Variants in PTAFR observed in about 807,000 individuals in gnomAD.
PTAFR encodes the protein platelet-activating factor receptor.
PTAFR carries 8 observed loss-of-function variants against 14.7 expected under a neutral mutation model. That is an observed-to-expected ratio of 0.54 (90% CI 0.32 to 0.98). PTAFR has a LOEUF of 0.98. Among genes scored for constraint, PTAFR ranks in the 50% least tolerant of loss-of-function variants. The pLI, the probability that PTAFR is intolerant of heterozygous loss-of-function variation, is 0.04. For missense variants in PTAFR, 337 were observed against 451.2 expected, an observed-to-expected ratio of 0.75 and a Z score of 2.29; for synonymous variants, 156 against 176.5, an observed-to-expected ratio of 0.88 and a Z score of 0.92.
chr1:28,188,123 G>T (rs944635880), intron 1 of PTAFR, among the ~76,000 whole-genome samples: 1 of 151,860 alleles, frequency 6.6e-6, no homozygotes, highest in Admixed American at 6.6e-5. Context: ...ACCAGCCTGG[G>T]CAACATAGCA....
Position 28,149,936 on chromosome 1 carries a change from C to A in PTAFR, c.*57G>T. The stretch of plus-strand genomic sequence containing the variant: ...AGACCACAGTAGATATCCCTTCTTC[C>A]CCCAGCTCAGTCCATGATGTTCATG... On this transcript the variant is annotated 3_prime_UTR_variant, in exon 2 of 2. Coordinates refer to ENST00000373857, the MANE Select transcript of PTAFR (RefSeq NM_000952.5). The A allele has an allele frequency of 1.9e-6, 3 of 1,556,180 alleles. No homozygotes were observed. Among genetic ancestry groups the A allele is most frequent in the South Asian group, 2.5e-5 (2 of 81,034 alleles).
chr1:28,162,126 T>C (rs1646330206), intron 1 of PTAFR, among the ~76,000 whole-genome samples: 1 of 152,164 alleles, frequency 6.6e-6, no homozygotes, highest in Admixed American at 6.5e-5. Flanking sequence ...CTCGGAGAGC[T>C]GCTTCAGTGT....
At chr1:28,179,266 G>A (rs919069506), upstream of PTAFR, among the ~76,000 whole-genome samples, 2 of 152,182 alleles carry the variant, frequency 1.3e-5, no homozygotes, top group Non-Finnish European at 2.9e-5. Flanking sequence ...GGATCAACCA[G>A]CCTCCATTGC....
intron 1 of PTAFR, among the ~76,000 whole-genome samples, chr1:28,192,739 C>T (rs932361311): frequency 1.3e-5 from 2 of 151,426 alleles, no homozygotes; most frequent in Non-Finnish European, 2.9e-5. Context: ...CTCCGCTTCT[C>T]GGGTTCAAGT....
chr1:28,186,460 T>C (rs1344198053), intron 1 of PTAFR, among the ~76,000 whole-genome samples: 1 of 152,200 alleles, frequency 6.6e-6, no homozygotes, highest in East Asian at 1.9e-4. Flanking sequence ...AAAATCCCAA[T>C]AGTTTTCCCA....
chr1:28,158,181 C>T (rs998233430), intron 1 of PTAFR, among the ~76,000 whole-genome samples: 5 of 152,110 alleles, frequency 3.3e-5, no homozygotes, highest in African/African-American at 1.2e-4. Flanking sequence ...AGGTGTAACG[C>T]GGTTTCAGAG....
At chr1:28,185,501 G>A (rs1572050717) in intron 1 of PTAFR, among the ~76,000 whole-genome samples, 1 of 152,204 alleles carries the variant, frequency 6.6e-6, no homozygotes, top group Non-Finnish European at 1.5e-5. Flanking sequence ...GATAATGGGG[G>A]TGAAAGAATA....
chr1:28,179,465 T>C (rs959456523), upstream of PTAFR, among the ~76,000 whole-genome samples: 12 of 152,154 alleles, frequency 7.9e-5, no homozygotes, highest in African/African-American at 2.9e-4. Flanking sequence ...GTTCAACTCT[T>C]TCTCTCACAC....
chr1:28,157,074 G>C (rs1488064885), intron 1 of PTAFR, among the ~76,000 whole-genome samples: 1 of 152,328 alleles, frequency 6.6e-6, no homozygotes, highest in African/African-American at 2.4e-5. Context: ...AAACATGTGA[G>C]GCATTCACTG....
At chr1:28,175,125 G>C (rs1319886503) in intron 1 of PTAFR, among the ~76,000 whole-genome samples, 1 of 151,984 alleles carries the variant, frequency 6.6e-6, no homozygotes, top group African/African-American at 2.4e-5. Flanking sequence ...TGTTCGCCAG[G>C]ATGGTCTCCA....
chr1:28,159,204 A>G (rs988119847), intron 1 of PTAFR, among the ~76,000 whole-genome samples: 5 of 152,192 alleles, frequency 3.3e-5, no homozygotes, highest in Admixed American at 3.3e-4. Flanking sequence ...TGAAACACCC[A>G]AAAGGACCAG....
At chr1:28,181,504 T>G (rs1015164164), upstream of PTAFR, among the ~76,000 whole-genome samples, 4 of 152,092 alleles carry the variant, frequency 2.6e-5, no homozygotes, top group African/African-American at 7.2e-5. Context: ...CTCAGTACTT[T>G]GGGAGGCTGA....
rs139769978 is a variant in PTAFR, at chr1:28,172,944, T to C, written c.-39+3648A>G. Among the ~76,000 whole-genome samples the C allele has an allele frequency of 1.4e-3, 207 of 152,064 alleles. 2 individuals are homozygous for C. The highest frequency in any genetic ancestry group is 4.5e-3 in the African/African-American group (186 of 41,486). ...CAGTTTTGGGTAAACAGTAAAGCAC[T>C]TGGTACATTGAAATGGACTTTATGA... On this transcript the variant is annotated intron_variant, in intron 1 of 1. Coordinates refer to ENST00000373857, the MANE Select transcript of PTAFR (RefSeq NM_000952.5).
chr1:28,187,323 G>GCTA, intron 1 of PTAFR, among the ~76,000 whole-genome samples: 1 of 152,162 alleles, frequency 6.6e-6, no homozygotes, highest in East Asian at 1.9e-4. Flanking sequence ...GTAGATATTA[G>GCTA]CTACTAATAG....
intron 1 of PTAFR, among the ~76,000 whole-genome samples, chr1:28,190,215 G>A (rs1006263225): frequency 2.0e-5 from 3 of 147,872 alleles, no homozygotes; most frequent in East Asian, 2.1e-4. Flanking sequence ...CAGATGATCC[G>A]CCTGCCTGGG....
chr1:28,163,596 C>G (rs959995685), intron 1 of PTAFR, among the ~76,000 whole-genome samples: 4 of 152,226 alleles, frequency 2.6e-5, no homozygotes, highest in African/African-American at 9.6e-5. Flanking sequence ...GACCTCGCCT[C>G]TCTAACCTTC....
chr1:28,190,701 A>G lies in PTAFR; in HGVS notation c.-39+3021T>C, dbSNP rs546362604. 3.9e-5 allele frequency among the ~76,000 whole-genome samples: 6 copies of G among 152,278 alleles called. No individual in the cohort carries two copies. In the East Asian group the frequency reaches 9.6e-4, roughly 24 times the overall value. ...CACGGGAGGAAGGGGACTGCTCTAA[A>G]ACCAGAGGTCTCTGAGAGCCCAAAA... On this transcript the variant is annotated intron_variant, in intron 1 of 1. Transcript: ENST00000305392.
chr1:28,164,700 A>G (rs374698760), intron 1 of PTAFR, among the ~76,000 whole-genome samples: 7 of 152,358 alleles, frequency 4.6e-5, no homozygotes, highest in African/African-American at 1.7e-4. Context: ...TCCAAGGTTC[A>G]TTCTGACTCT....
intron 1 of PTAFR, among the ~76,000 whole-genome samples, chr1:28,167,870 C>A (rs1646404526): frequency 6.6e-6 from 1 of 151,158 alleles, no homozygotes; most frequent in Non-Finnish European, 1.5e-5. Context: ...AACGCCTGAC[C>A]TCAAGTGATC....
Sources: allele counts gnomAD v4.1 joint callset (sites outside exome capture counted in the v4.1 genomes callset), GRCh38; gene constraint gnomAD v4.1.1; transcripts MANE v1.5; gene names NCBI Gene and HGNC (gene_info 2026-07-23, HGNC 2026-07-21).